Variants in EDIL3 observed in about 807,000 individuals in gnomAD.
EDIL3 encodes the protein EGF-like repeat and discoidin I-like domain-containing protein 3.
Under a neutral mutation model 67.4 loss-of-function variants are expected in EDIL3, and 37 were observed. The ratio of observed to expected loss-of-function variants is 0.55; its 90% CI spans 0.42 to 0.72. The LOEUF is 0.72. Among genes scored for constraint, EDIL3 ranks in the 30% least tolerant of loss-of-function variants. The pLI, the probability that EDIL3 is intolerant of heterozygous loss-of-function variation, is 0.00. For synonymous variants in EDIL3, 195 were observed against 196.3 expected (o/e 0.99, Z 0.05); for missense variants, 527 against 586.3 (o/e 0.90, Z 1.04).
intron 1 of EDIL3, among the ~76,000 whole-genome samples, chr5:84,266,204 A>C (rs183256286): frequency 6.6e-6 from 1 of 152,158 alleles, no homozygotes; most frequent in Non-Finnish European, 1.5e-5. Context: ...CATTGCCTCT[A>C]TTCTATCAAT....
chr5:84,340,534 C>CTCTCTATATATA (rs1432966515), intron 1 of EDIL3, among the ~76,000 whole-genome samples: 3 of 54,200 alleles, frequency 5.5e-5, no homozygotes, highest in Admixed American at 2.5e-4. Flanking sequence ...CTCTCTCTCT[C>CTCTCTATATATA]TATATATATA....
At chr5:84,308,843 A>C (rs572837253) in intron 1 of EDIL3, among the ~76,000 whole-genome samples, 1 of 152,314 alleles carries the variant, frequency 6.6e-6, no homozygotes, top group East Asian at 1.9e-4. Flanking sequence ...TTACAGCAGT[A>C]TATTTTTCAA....
chr5:84,192,941 G>A (rs958387020), intron 3 of EDIL3, among the ~76,000 whole-genome samples: 1 of 151,854 alleles, frequency 6.6e-6, no homozygotes, highest in African/African-American at 2.4e-5. Context: ...AACAGCTAAG[G>A]TAAGAAAGAA....
At chr5:84,271,371 G>A (rs1217035014) in intron 1 of EDIL3, among the ~76,000 whole-genome samples, 7 of 151,178 alleles carry the variant, frequency 4.6e-5, no homozygotes, top group African/African-American at 1.5e-4. Flanking sequence ...CCGAGATTGC[G>A]CCACTGCACT....
intron 1 of EDIL3, among the ~76,000 whole-genome samples, chr5:84,349,870 C>T (rs756575987): frequency 6.6e-6 from 1 of 152,064 alleles, no homozygotes; most frequent in African/African-American, 2.4e-5. Flanking sequence ...TTTTGATTAA[C>T]TTAAAAATAG....
chr5:84,269,253 A>G (rs992865778), intron 1 of EDIL3, among the ~76,000 whole-genome samples: 1 of 152,204 alleles, frequency 6.6e-6, no homozygotes, highest in Admixed American at 6.5e-5. Flanking sequence ...GTATTCAAAA[A>G]TATGAATATG....
chr5:84,200,823 A>C (rs1196366188), intron 3 of EDIL3, among the ~76,000 whole-genome samples: 1 of 152,100 alleles, frequency 6.6e-6, no homozygotes, highest in Non-Finnish European at 1.5e-5. Context: ...ATGGGAAAGA[A>C]ACGGAAAGAA....
At chr5:84,038,019 G>T (rs1337173734) in intron 9 of EDIL3, among the ~76,000 whole-genome samples, 1 of 117,040 alleles carries the variant, frequency 8.5e-6, no homozygotes, top group East Asian at 2.4e-4. Flanking sequence ...TTTGAGACAG[G>T]GTCTCACTCT....
chr5:84,160,571 C>T (rs1748584908), intron 4 of EDIL3, among the ~76,000 whole-genome samples: 2 of 152,036 alleles, frequency 1.3e-5, no homozygotes, highest in South Asian at 4.1e-4. Flanking sequence ...CAGTGCCTGA[C>T]AAACAGCAGC....
At chr5:84,202,239 C>T (rs1244986337) in intron 3 of EDIL3, among the ~76,000 whole-genome samples, 1 of 152,070 alleles carries the variant, frequency 6.6e-6, no homozygotes, top group African/African-American at 2.4e-5. Context: ...GGAGAAACTG[C>T]TGAGATGTAG....
chr5:84,006,209 A>T (rs915440400), intron 9 of EDIL3, among the ~76,000 whole-genome samples: 1 of 151,978 alleles, frequency 6.6e-6, no homozygotes, highest in African/African-American at 2.4e-5. Flanking sequence ...CAATGAAAAA[A>T]CATTCCATGC....
At chr5:84,040,695 T>C (rs1746104588) in intron 9 of EDIL3, among the ~76,000 whole-genome samples, 1 of 152,054 alleles carries the variant, frequency 6.6e-6, no homozygotes, top group African/African-American at 2.4e-5. Flanking sequence ...AAGATCAATA[T>C]AAGCTGGAAT....
At chr5:84,042,902 AATGT>A (rs1746158505) in intron 9 of EDIL3, among the ~76,000 whole-genome samples, 1 of 152,182 alleles carries the variant, frequency 6.6e-6, no homozygotes, top group Non-Finnish European at 1.5e-5. Flanking sequence ...ATTAAAGTTT[AATGT>A]ATGTCAGAAC....
chr5:84,030,248 C>G (rs1244953268), intron 9 of EDIL3, among the ~76,000 whole-genome samples: 1 of 152,106 alleles, frequency 6.6e-6, no homozygotes, highest in Non-Finnish European at 1.5e-5. Context: ...TTTAAATCTC[C>G]TATGTAGCAC....
At chr5:84,029,536 A>G (rs1337213596) in intron 9 of EDIL3, among the ~76,000 whole-genome samples, 1 of 152,044 alleles carries the variant, frequency 6.6e-6, no homozygotes, top group Non-Finnish European at 1.5e-5. Context: ...TTTACCTTTC[A>G]TGAAAAATAA....
At chr5:84,355,450 G>GT (rs1414858603) in intron 1 of EDIL3, among the ~76,000 whole-genome samples, 1 of 151,978 alleles carries the variant, frequency 6.6e-6, no homozygotes, top group African/African-American at 2.4e-5. Flanking sequence ...GCTCAGAAGA[G>GT]TTTATTACCC....
At chr5:84,365,658 A>G (rs1017996001) in intron 1 of EDIL3, among the ~76,000 whole-genome samples, 7 of 152,108 alleles carry the variant, frequency 4.6e-5, no homozygotes, top group African/African-American at 9.6e-5. Flanking sequence ...ATAAAAACAT[A>G]TATCATATCA....
chr5:84,236,865 G>T (rs2112051999), intron 2 of EDIL3, among the ~76,000 whole-genome samples: 1 of 151,736 alleles, frequency 6.6e-6, no homozygotes, highest in South Asian at 2.1e-4. Flanking sequence ...GAAGAAACTT[G>T]TAAGGGATAA....
At chr5:84,284,920 A>G (rs918945240) in intron 1 of EDIL3, among the ~76,000 whole-genome samples, 5 of 152,304 alleles carry the variant, frequency 3.3e-5, no homozygotes, top group Middle Eastern at 3.4e-3. Flanking sequence ...GGGAAAATCT[A>G]TAAAAACTAT....
Sources: gnomAD v4.1 joint callset for allele counts (sites outside exome capture counted in the v4.1 genomes callset) on GRCh38, gnomAD v4.1.1 for gene constraint, MANE v1.5 for transcripts, NCBI Gene and HGNC (gene_info 2026-07-23, HGNC 2026-07-21) for gene names.